Variants in WNK3 observed in about 807,000 individuals in gnomAD.
The protein encoded by WNK3 is serine/threonine-protein kinase WNK3.
In WNK3, 18 loss-of-function variants were observed where a neutral mutation model predicts 116.7. The ratio of observed to expected loss-of-function variants is 0.15; its 90% CI spans 0.11 to 0.23. The LOEUF is 0.23. Ranked by LOEUF, WNK3 falls within the 10% of genes least tolerant of loss-of-function variation. The probability of loss-of-function intolerance (pLI) is 1.00; values close to 1 mark genes in which losing one functional copy is unlikely to be tolerated. For synonymous variants in WNK3, 404 were observed against 469.4 expected (o/e 0.86, Z 1.80); for missense variants, 993 against 1,323.8 (o/e 0.75, Z 3.88).
At chrX:54,205,630 C>T (rs1236652346) in intron 22 of WNK3, among the ~76,000 whole-genome samples, 1 of 111,670 alleles carries the variant, frequency 9.0e-6, no homozygotes, top group Non-Finnish European at 1.9e-5. Context: ...CAAACACACA[C>T]AAAGTTATGA....
At chrX:54,232,544 T>C (rs2146850274) in intron 21 of WNK3, among the ~76,000 whole-genome samples, 1 of 112,005 alleles carries the variant, frequency 8.9e-6, no homozygotes, top group Admixed American at 9.5e-5. Flanking sequence ...AAAATTATTG[T>C]GGGGATTGGC....
intron 10 of WNK3, among the ~76,000 whole-genome samples, chrX:54,267,727 C>T (rs1051466569): frequency 3.6e-5 from 4 of 109,924 alleles, no homozygotes; most frequent in African/African-American, 9.9e-5. Flanking sequence ...ACCCGGGAGG[C>T]GGAGGTTGCA....
chrX:54,219,931 T>C (rs2067743482), intron 22 of WNK3, among the ~76,000 whole-genome samples: 1 of 111,530 alleles, frequency 9.0e-6, no homozygotes, highest in Non-Finnish European at 1.9e-5. Context: ...AACTGTTCAG[T>C]TGTGAGAGTT....
intron 20 of WNK3, among the ~76,000 whole-genome samples, chrX:54,234,930 A>C (rs2067945966): frequency 8.9e-6 from 1 of 112,151 alleles, no homozygotes; most frequent in Admixed American, 9.5e-5. Context: ...TATAAAAAGT[A>C]TCAGTGTACA....
chrX:54,251,584 G>A (rs1557154252), exon 14 of WNK3: 2 of 1,208,949 alleles, frequency 1.7e-6, no homozygotes, highest in Admixed American at 4.4e-5. Context: ...GGCTCTTTCT[G>A]TGGCAAAGTG....
At chrX:54,347,095 T>C (rs980240613) in intron 1 of WNK3, among the ~76,000 whole-genome samples, 13 of 112,038 alleles carry the variant, frequency 1.2e-4, no homozygotes, top group African/African-American at 4.2e-4. Flanking sequence ...ACCTGGAGTC[T>C]CTTACTAAGT....
At chrX:54,229,801 A>G (rs1369588689) in intron 21 of WNK3, among the ~76,000 whole-genome samples, 2 of 111,307 alleles carry the variant, frequency 1.8e-5, no homozygotes, top group Admixed American at 1.9e-4. Flanking sequence ...ACAAATGGTA[A>G]TGTAATAATT....
intron 22 of WNK3, among the ~76,000 whole-genome samples, chrX:54,216,021 G>A (rs1390152150): frequency 3.6e-5 from 4 of 110,345 alleles, no homozygotes; most frequent in Non-Finnish European, 7.6e-5. Context: ...TGTCCACTAA[G>A]GGTTAAATGG....
chrX:54,237,236 C>A, exon 20 of WNK3: 1 of 1,211,906 alleles, frequency 8.3e-7, no homozygotes, highest in African/African-American at 1.7e-5. Flanking sequence ...CTTCCTGTGG[C>A]TGAAGTTTCT....
chrX:54,248,699 G>T (rs373458497), exon 17 of WNK3: 20 of 1,196,996 alleles, frequency 1.7e-5, no homozygotes, highest in Non-Finnish European at 2.1e-5. Flanking sequence ...ATACTTACAT[G>T]TAAACACAAT....
Position 54,354,710 on chromosome X carries a change from T to A in WNK3, c.-120+2976A>T, listed in dbSNP as rs781787264. On this transcript the variant is annotated intron_variant, in intron 1 of 23. Transcript: ENST00000354646. ...AAAAATAATAAAATAATTATTTTTT[T>A]AAAAATCAGTTAAATATGCTAATAA... 3.6e-3 allele frequency among the ~76,000 whole-genome samples: 404 copies of A among 111,795 alleles called. 1 individual carries two copies. Among genetic ancestry groups the A allele is most frequent in the South Asian group, 4.9e-3 (13 of 2,673 alleles).
intron 10 of WNK3, among the ~76,000 whole-genome samples, chrX:54,284,022 A>C (rs1380471196): frequency 2.7e-5 from 3 of 110,757 alleles, no homozygotes; most frequent in Non-Finnish European, 3.8e-5. Flanking sequence ...AGAAAGTAGT[A>C]ACTACAATAG....
intron 2 of WNK3, among the ~76,000 whole-genome samples, chrX:54,330,567 A>G (rs2069157580): frequency 9.0e-6 from 1 of 111,293 alleles, no homozygotes; most frequent in African/African-American, 3.3e-5. Flanking sequence ...CCAAAAAAAT[A>G]AAAGGCCCTA....
At chrX:54,214,065 C>T (rs2067653911) in intron 22 of WNK3, among the ~76,000 whole-genome samples, 1 of 111,540 alleles carries the variant, frequency 9.0e-6, no homozygotes, top group South Asian at 3.8e-4. Flanking sequence ...CAACCTCCAC[C>T]TCCTGGGTTC....
chrX:54,337,367 C>T (rs2069253053), intron 1 of WNK3, among the ~76,000 whole-genome samples: 1 of 109,397 alleles, frequency 9.1e-6, no homozygotes, highest in African/African-American at 3.3e-5. Flanking sequence ...CCAAGACCAG[C>T]CTGGCCAAGA....
intron 10 of WNK3, among the ~76,000 whole-genome samples, chrX:54,280,035 C>T (rs946728369): frequency 1.8e-5 from 2 of 112,378 alleles, no homozygotes; most frequent in African/African-American, 3.2e-5. Context: ...TAGTGGCTCA[C>T]GCCTGTAAAT....
At chrX:54,296,022 A>G (rs1201049542) in intron 7 of WNK3, among the ~76,000 whole-genome samples, 1 of 111,967 alleles carries the variant, frequency 8.9e-6, no homozygotes, top group Admixed American at 9.5e-5. Context: ...ATTAAAGCCA[A>G]AAAAGGAACG....
At chrX:54,291,721 C>T (rs1412829504) in intron 10 of WNK3, among the ~76,000 whole-genome samples, 1 of 112,122 alleles carries the variant, frequency 8.9e-6, no homozygotes. Flanking sequence ...CAAGTACATA[C>T]ATGCTTTCCC....
exon 17 of WNK3, chrX:54,249,129 T>A: frequency 1.7e-6 from 2 of 1,211,883 alleles, no homozygotes; most frequent in Non-Finnish European, 2.2e-6. Context: ...TGGGAATGAC[T>A]GTCTTAGGAG....
Sources: gnomAD v4.1 joint callset for allele counts (sites outside exome capture counted in the v4.1 genomes callset) on GRCh38, gnomAD v4.1.1 for gene constraint, MANE v1.5 for transcripts, NCBI Gene and HGNC (gene_info 2026-07-23, HGNC 2026-07-21) for gene names.